PHF19: variants seen among roughly 807,000 people sequenced by gnomAD.
The protein encoded by PHF19 is polycomb like 3.
In PHF19, 21 loss-of-function variants were observed where a neutral mutation model predicts 79.8. The observed-to-expected ratio is 0.26, with a 90% CI of 0.19 to 0.38. PHF19 has a LOEUF of 0.38. Ranked by LOEUF, PHF19 falls within the 10% of genes least tolerant of loss-of-function variation. PHF19 has a pLI of 1.00. For synonymous variants in PHF19, 273 were observed against 296.3 expected, an observed-to-expected ratio of 0.92 and a Z score of 0.81; for missense variants, 445 against 744.2, an observed-to-expected ratio of 0.60 and a Z score of 4.68.
chr9:120,874,666 G>C lies in PHF19; in HGVS notation c.76C>G (p.Leu26Val). Residue 26 changes from leucine to valine, a missense_variant, in exon 2 of 15, where the codon CTG becomes GTG. By Grantham distance (32) the Leu-to-Val change is conservative. Coordinates refer to ENST00000373896, the MANE Select transcript of PHF19 (RefSeq NM_015651.3). This position sits in a 1 kb window ranked among gnomAD's most constrained non-coding sequence, Gnocchi z 4.5. ...ATSHLPNKGA[L>V]AKVKNNFKDL... The stretch of plus-strand genomic sequence containing the variant: ...TTGAAGTTGTTCTTGACCTTCGCCA[G>C]GGCCCCCTTGTTGGGGAGGTGGCTG... 6.2e-7 allele frequency: 1 copy of C among 1,613,544 alleles called. No individual in the cohort carries two copies. Among genetic ancestry groups the C allele is most frequent in the African/African-American group, 1.3e-5 (1 of 75,036 alleles).
At chr9:120,867,865 T>C (rs1277130620) in intron 6 of PHF19, among the ~76,000 whole-genome samples, 1 of 152,106 alleles carries the variant, frequency 6.6e-6, no homozygotes, top group African/African-American at 2.4e-5. Flanking sequence ...CTTACATCTG[T>C]GGTTCCTTCC....
In PHF19 at chr9:120,860,038, G is replaced by A. The variant is rs1403129687; in HGVS notation, c.1400+52C>T. 28 of 906,944 alleles carry A rather than the reference G, an allele frequency of 3.1e-5. No homozygotes were observed. Among genetic ancestry groups the A allele is most frequent in the Non-Finnish European group, 4.8e-5 (27 of 557,746 alleles). The allele number at this position is 906,944 out of a possible 1,614,324, so 56.2% of individuals were successfully genotyped here. A position where few individuals can be genotyped will look rare whatever the true frequency, so the allele number is the denominator to read the frequency against. ...CAGAAGTGGGAGGTGGAGGGGCTGA[G>A]AGGAATGATGGTCCTTGCAAAATGT... On this transcript the variant is annotated intron_variant, in intron 14 of 14. Coordinates refer to ENST00000373896, the MANE Select transcript of PHF19 (RefSeq NM_015651.3). The surrounding 1 kb of genome is among the most constrained non-coding windows in gnomAD (Gnocchi z 4.1).
At position 120,860,012 on chromosome 9, in the gene PHF19, A is replaced by G. The variant is rs1017857584; in HGVS notation, c.1400+78T>C. 6.5e-6 allele frequency: 5 copies of G among 764,018 alleles called. No homozygotes were observed. The highest frequency in any genetic ancestry group is 9.3e-6 in the Non-Finnish European group (4 of 429,432). The allele number at this position is 764,018 out of a possible 1,614,324, so 47.3% of individuals were successfully genotyped here. A position where few individuals can be genotyped will look rare whatever the true frequency, so the allele number is the denominator to read the frequency against. Reference sequence around the variant, plus strand: ...AGACACATAGAATGAGCCACACATTACAGAAGTGGGAGGTGGAGGGGCTGA... The same window carrying G: ...AGACACATAGAATGAGCCACACATTGCAGAAGTGGGAGGTGGAGGGGCTGA... On this transcript the variant is annotated intron_variant, in intron 14 of 14. Transcript: ENST00000373896. The surrounding 1 kb of genome is among the most constrained non-coding windows in gnomAD (Gnocchi z 4.1).
At chr9:120,901,840 G>A in the PHF19 span, among the ~76,000 whole-genome samples, 1 of 152,140 alleles carries the variant, frequency 6.6e-6, no homozygotes, top group Non-Finnish European at 1.5e-5. Flanking sequence ...CTGGCCGTTG[G>A]GGGCAAAAGG....
chr9:120,861,311 G>T, intron 12 of PHF19, 137 bp from the exon 13 acceptor site: 1 of 696,026 alleles, frequency 1.4e-6, no homozygotes, highest in Non-Finnish European at 2.6e-6. Context: ...TTTATTCCAA[G>T]TCCTGACCAG....
At chr9:120,873,487 A>G (rs943108078) in intron 3 of PHF19, among the ~76,000 whole-genome samples, 1 of 152,138 alleles carries the variant, frequency 6.6e-6, no homozygotes, top group African/African-American at 2.4e-5. Flanking sequence ...CCTCTGCTTT[A>G]TTGGTTTTTC....
intron 1 of PHF19, among the ~76,000 whole-genome samples, chr9:120,886,657 A>G (rs2046267769): frequency 6.6e-6 from 1 of 152,218 alleles, no homozygotes; most frequent in African/African-American, 2.4e-5. Context: ...TCCCACTCCA[A>G]CGGCTGGTTC....
Position 120,862,513 on chromosome 9 carries a change from G to T in PHF19, c.1130+75C>A. 2 of 1,350,486 alleles carry T rather than the reference G, an allele frequency of 1.5e-6. No individual in the cohort carries two copies. Among genetic ancestry groups the T allele is most frequent in the Non-Finnish European group, 2.1e-6 (2 of 949,744 alleles). 83.7% of individuals were successfully genotyped at this position (1,350,486 alleles called of 1,614,324 possible). On this transcript the variant is annotated intron_variant, in intron 11 of 14. Coordinates refer to ENST00000373896, the MANE Select transcript of PHF19 (RefSeq NM_015651.3). The surrounding 1 kb of genome is among the most constrained non-coding windows in gnomAD (Gnocchi z 4.6). ...TACAGCTGGGACTGGCTGGGTGCAG[G>T]TCCTCCTTGCTTGCTTGGAAGCAGA...
chr9:120,886,021 C>T (rs868025409), intron 1 of PHF19, among the ~76,000 whole-genome samples: 3 of 152,320 alleles, frequency 2.0e-5, no homozygotes, highest in South Asian at 2.1e-4. Flanking sequence ...CCCTGATCTT[C>T]GGCTTAAGTT....
upstream of PHF19, among the ~76,000 whole-genome samples, chr9:120,881,511 A>C (rs1416530115): frequency 6.6e-6 from 1 of 152,210 alleles, no homozygotes; most frequent in Non-Finnish European, 1.5e-5. Context: ...ATCTGAGGCA[A>C]GTATGACCAA....
Position 120,874,859 on chromosome 9 carries a change from C to A in PHF19, c.-15-103G>T. On this transcript the variant is annotated intron_variant, in intron 1 of 14. Transcript: ENST00000373896. The surrounding 1 kb of genome is among the most constrained non-coding windows in gnomAD (Gnocchi z 4.5). ...CATTTCTGTACCCTGTGCTATAAGCCAGACTTGGTTATTATCTCACTGATT... is the reference window on the plus strand; with the variant it reads ...CATTTCTGTACCCTGTGCTATAAGCAAGACTTGGTTATTATCTCACTGATT... 2 of 685,388 alleles carry A rather than the reference C, an allele frequency of 2.9e-6. No homozygotes were observed. Among genetic ancestry groups the A allele is most frequent in the South Asian group, 1.8e-5 (1 of 55,374 alleles). 42.5% of individuals were successfully genotyped at this position (685,388 alleles called of 1,614,324 possible).
chr9:120,899,745 C>A (rs1169324354), upstream of PHF19, among the ~76,000 whole-genome samples: 1 of 152,158 alleles, frequency 6.6e-6, no homozygotes, highest in African/African-American at 2.4e-5. Context: ...TTACTCTCCC[C>A]AGCCCAGGCT....
intron 14 of PHF19, 96 bp downstream of exon 14, chr9:120,859,994 T>A (rs1239458542): frequency 2.0e-5 from 14 of 717,372 alleles, no homozygotes; most frequent in Non-Finnish European, 2.8e-5. Context: ...CTGAGACACA[T>A]AGAATGAGCC....
chr9:120,877,475 G>A (rs373568308), upstream of PHF19: 2 of 527,130 alleles, frequency 3.8e-6, no homozygotes, highest in South Asian at 8.1e-5. Flanking sequence ...CATCCTCCGC[G>A]GCCACTAGCC....
Position 120,874,205 on chromosome 9 carries a change from T to TG in PHF19, c.187-146dup. The TG allele has an allele frequency of 1.6e-6, 1 of 617,436 alleles. No individual in the cohort carries two copies. Among genetic ancestry groups the TG allele is most frequent in the Non-Finnish European group, 2.9e-6 (1 of 342,768 alleles). The allele number at this position is 617,436 out of a possible 1,614,324, so 38.2% of individuals were successfully genotyped here. A position where few individuals can be genotyped will look rare whatever the true frequency, so the allele number is the denominator to read the frequency against. On this transcript the variant is annotated intron_variant, in intron 2 of 14. Coordinates refer to ENST00000373896, the MANE Select transcript of PHF19 (RefSeq NM_015651.3). The surrounding 1 kb of genome is among the most constrained non-coding windows in gnomAD (Gnocchi z 4.5). ...GAAGGATGGCAGTTCCTGGACAGGGTGTACTCCTAGTCACCTGGAGTCGTA... is the reference window on the plus strand; with the variant it reads ...GAAGGATGGCAGTTCCTGGACAGGGTGGTACTCCTAGTCACCTGGAGTCGTA...
chr9:120,903,320 T>C, the PHF19 span: 1 of 152,386 alleles, frequency 6.6e-6, no homozygotes, highest in East Asian at 1.9e-4. Context: ...CCCCTAGAGC[T>C]GGAGAGGGCA....
upstream of PHF19, among the ~76,000 whole-genome samples, chr9:120,881,953 G>C (rs1432710559): frequency 1.3e-5 from 2 of 152,162 alleles, no homozygotes; most frequent in African/African-American, 4.8e-5. Context: ...GTAGAGATTG[G>C]GTTTCACCAT....
chr9:120,901,930 A>C, the PHF19 span, among the ~76,000 whole-genome samples: 2 of 152,176 alleles, frequency 1.3e-5, no homozygotes, highest in African/African-American at 4.8e-5. Flanking sequence ...TGCTTCATCA[A>C]CTACAGCTGG....
intron 1 of PHF19, among the ~76,000 whole-genome samples, chr9:120,886,096 C>T (rs1221260959): frequency 1.3e-5 from 2 of 152,190 alleles, no homozygotes; most frequent in Non-Finnish European, 2.9e-5. Context: ...CTGCTTCTTC[C>T]AAGATTACAA....
Sources: allele counts gnomAD v4.1 joint callset (sites outside exome capture counted in the v4.1 genomes callset), GRCh38; gene constraint gnomAD v4.1.1; non-coding constraint Gnocchi (gnomAD v3.1); transcripts MANE v1.5; gene names NCBI Gene and HGNC (gene_info 2026-07-23, HGNC 2026-07-21).